The following BABAM2 variants were observed in gnomAD, a reference collection of about 807,000 sequenced individuals.
BABAM2 encodes the protein BRISC and BRCA1-A complex member 2.
BABAM2 carries 31 observed loss-of-function variants against 54.7 expected under a neutral mutation model. That is an observed-to-expected ratio of 0.57 (90% CI 0.43 to 0.77). BABAM2 has a LOEUF of 0.77. Among genes scored for constraint, BABAM2 ranks in the 30% least tolerant of loss-of-function variants. The pLI, the probability that BABAM2 is intolerant of heterozygous loss-of-function variation, is 0.00. For missense variants in BABAM2, 364 were observed against 455.8 expected, an observed-to-expected ratio of 0.80 and a Z score of 1.83; for synonymous variants, 167 against 162.9, an observed-to-expected ratio of 1.03 and a Z score of -0.19.
At position 28,259,615 on chromosome 2, in the gene BABAM2, A is replaced by G. The variant is rs142211874; in HGVS notation, c.934+14753A>G. On this transcript the variant is annotated intron_variant, in intron 10 of 11. Coordinates refer to ENST00000379624, the MANE Select transcript of BABAM2 (RefSeq NM_199191.3). Reference sequence around the variant, plus strand: ...ATGAAGTCAATTTTATCATTTTTAAATTTTATGAGCCATGCTTTTTATGTC... The same window carrying G: ...ATGAAGTCAATTTTATCATTTTTAAGTTTTATGAGCCATGCTTTTTATGTC... Among the ~76,000 whole-genome samples, 738 of 152,296 alleles carry G rather than the reference A, an allele frequency of 4.8e-3. 11 individuals are homozygous for G. Among genetic ancestry groups the G allele is most frequent in the African/African-American group, 0.016 (682 of 41,568 alleles).
intron 2 of BABAM2, among the ~76,000 whole-genome samples, chr2:27,905,452 A>G (rs1173068505): frequency 6.6e-6 from 1 of 152,180 alleles, no homozygotes; most frequent in Non-Finnish European, 1.5e-5. Context: ...TGGGGATGGC[A>G]TTAATGACCT....
At chr2:28,285,897 G>A (rs953791427) in intron 10 of BABAM2, among the ~76,000 whole-genome samples, 16 of 151,670 alleles carry the variant, frequency 1.1e-4, no homozygotes, top group Admixed American at 5.3e-4. Flanking sequence ...TTTGTAGAGA[G>A]GAATTGGTTC....
At chr2:28,327,526 A>G in intron 11 of BABAM2, 1 of 1,431,948 alleles carries the variant, frequency 7.0e-7, no homozygotes. Flanking sequence ...AATGGATCTC[A>G]GTCAGTTGTT....
At chr2:27,954,384 G>A (rs1669943169) in intron 3 of BABAM2, among the ~76,000 whole-genome samples, 1 of 152,218 alleles carries the variant, frequency 6.6e-6, no homozygotes, top group Admixed American at 6.5e-5. Context: ...GAGGGACTGG[G>A]AATGCTTCCT....
chr2:28,298,727 T>C (rs1365439894), intron 11 of BABAM2, among the ~76,000 whole-genome samples: 1 of 152,238 alleles, frequency 6.6e-6, no homozygotes, highest in Non-Finnish European at 1.5e-5. Flanking sequence ...ACAAAAAATA[T>C]TTACTGTTTG....
chr2:28,026,879 TATATATAG>T lies in BABAM2; in HGVS notation c.495+1467_495+1474del, dbSNP rs1382315736. Among the ~76,000 whole-genome samples, 252 of 57,438 alleles carry T rather than the reference TATATATAG, an allele frequency of 4.4e-3. 8 individuals are homozygous for T. Among genetic ancestry groups the T allele is most frequent in the Middle Eastern group, 7.9e-3 (1 of 126 alleles). 37.7% of individuals were successfully genotyped at this position (57,438 alleles called of 152,430 possible). On this transcript the variant is annotated intron_variant, in intron 5 of 11. Coordinates refer to ENST00000379624, the MANE Select transcript of BABAM2 (RefSeq NM_199191.3). ...ATATATATAGATATATATATTTATA[TATATATAG>T]ATATATATAAATATATATAAATATA...
intron 6 of BABAM2, among the ~76,000 whole-genome samples, chr2:28,089,519 G>A (rs967387532): frequency 2.6e-5 from 4 of 152,062 alleles, no homozygotes; most frequent in East Asian, 1.9e-4. Context: ...AGATTTCTAG[G>A]CATTGTAATA....
chr2:27,900,464 C>G (rs1417129794), intron 2 of BABAM2, among the ~76,000 whole-genome samples: 1 of 151,712 alleles, frequency 6.6e-6, no homozygotes, highest in Non-Finnish European at 1.5e-5. Context: ...TTTCTAAACT[C>G]CATTGCTAGA....
At chr2:28,003,336 A>AATTT (rs1290421979) in intron 4 of BABAM2, among the ~76,000 whole-genome samples, 1 of 152,140 alleles carries the variant, frequency 6.6e-6, no homozygotes, top group Admixed American at 6.5e-5. Flanking sequence ...CAGAGATTTC[A>AATTT]ATTTATTTAT....
intron 6 of BABAM2, among the ~76,000 whole-genome samples, chr2:28,070,651 G>A (rs1466777477): frequency 6.6e-6 from 1 of 151,534 alleles, no homozygotes; most frequent in Admixed American, 6.6e-5. Context: ...CCGGGTTCAC[G>A]CCATTCTCCT....
At chr2:28,178,471 C>G (rs932449479) in intron 7 of BABAM2, among the ~76,000 whole-genome samples, 2 of 152,012 alleles carry the variant, frequency 1.3e-5, no homozygotes, top group Non-Finnish European at 2.9e-5. Context: ...CAAAACATAG[C>G]ACACCACAAC....
At chr2:28,012,942 C>A (rs1674505960) in intron 4 of BABAM2, among the ~76,000 whole-genome samples, 2 of 152,110 alleles carry the variant, frequency 1.3e-5, no homozygotes, top group South Asian at 4.1e-4. Context: ...TTTATCCATC[C>A]CCGATTCTTA....
At chr2:28,168,338 G>A (rs760329197) in intron 7 of BABAM2, among the ~76,000 whole-genome samples, 1 of 152,184 alleles carries the variant, frequency 6.6e-6, no homozygotes, top group Non-Finnish European at 1.5e-5. Flanking sequence ...TTCTTGGAAG[G>A]CCCATCTCTC....
intron 7 of BABAM2, among the ~76,000 whole-genome samples, chr2:28,191,675 T>G (rs1226512600): frequency 6.6e-6 from 1 of 152,220 alleles, no homozygotes; most frequent in East Asian, 1.9e-4. Flanking sequence ...ACTATTTATA[T>G]AATTATAAGT....
chr2:28,159,155 C>G (rs893359511), intron 7 of BABAM2, among the ~76,000 whole-genome samples: 3 of 152,180 alleles, frequency 2.0e-5, no homozygotes, highest in Non-Finnish European at 4.4e-5. Flanking sequence ...TTCATTCATT[C>G]AACCAACAAC....
At position 28,303,941 on chromosome 2, in the gene BABAM2, C is replaced by T. The variant is rs565977989; in HGVS notation, c.1088+5450C>T. Among the ~76,000 whole-genome samples, 26 of 152,108 alleles carry T rather than the reference C, an allele frequency of 1.7e-4. 1 individual carries two copies. The South Asian group carries it at 4.8e-3, about 28-fold the overall frequency. On this transcript the variant is annotated intron_variant, in intron 11 of 11. Transcript: ENST00000379624. ...TGTTGCCCAGGCTAGAGTACCGTGGCGCAATCTTGGCTTACTGCAAACTCT... is the reference window on the plus strand; with the variant it reads ...TGTTGCCCAGGCTAGAGTACCGTGGTGCAATCTTGGCTTACTGCAAACTCT...
chr2:28,056,319 T>C (rs1678409590), intron 6 of BABAM2, among the ~76,000 whole-genome samples: 2 of 152,206 alleles, frequency 1.3e-5, no homozygotes, highest in Admixed American at 1.3e-4. Flanking sequence ...GATGGATGTA[T>C]TAATTTCCTT....
At chr2:28,309,650 T>G (rs1238050644) in intron 11 of BABAM2, 1 of 165,738 alleles carries the variant, frequency 6.0e-6, no homozygotes, top group Non-Finnish European at 1.3e-5. Flanking sequence ...CAGTAAACAG[T>G]CCCTTAACCT....
chr2:28,003,966 T>A (rs940712033), intron 4 of BABAM2, among the ~76,000 whole-genome samples: 1 of 152,156 alleles, frequency 6.6e-6, no homozygotes, highest in African/African-American at 2.4e-5. Flanking sequence ...TGTACTTATC[T>A]TTCAACTCAT....
Sources: allele counts gnomAD v4.1 joint callset (sites outside exome capture counted in the v4.1 genomes callset), GRCh38; gene constraint gnomAD v4.1.1; transcripts MANE v1.5; gene names NCBI Gene and HGNC (gene_info 2026-07-23, HGNC 2026-07-21).